Variants in LRRC4C observed in about 807,000 individuals in gnomAD.
LRRC4C encodes the protein leucine rich repeat containing 4C.
Under a neutral mutation model 33.6 loss-of-function variants are expected in LRRC4C, and 5 were observed. The observed-to-expected ratio is 0.15, with a 90% confidence interval of 0.08 to 0.31. The LOEUF is 0.31. LRRC4C is among the 10% of genes least tolerant of loss of function. The pLI is 1.00. For missense variants in LRRC4C, 560 were observed against 796.7 expected (o/e 0.70, Z 3.58); for synonymous variants, 329 against 302.0 (o/e 1.09, Z -0.93).
chr11:41,062,888 A>G (rs995718183), intron 1 of LRRC4C, among the ~76,000 whole-genome samples: 5 of 152,170 alleles, frequency 3.3e-5, no homozygotes, highest in Non-Finnish European at 2.9e-5. Context: ...TCATGCTGCC[A>G]GAAACTATGG....
At chr11:41,176,838 A>G (rs546901565) in intron 1 of LRRC4C, among the ~76,000 whole-genome samples, 55 of 152,072 alleles carry the variant, frequency 3.6e-4, no homozygotes, top group Middle Eastern at 3.4e-3. Context: ...GGCAGTGTGC[A>G]CCTGTAGTCC....
intron 2 of LRRC4C, among the ~76,000 whole-genome samples, chr11:40,780,769 A>C (rs186489446): frequency 6.7e-6 from 1 of 149,684 alleles, no homozygotes; most frequent in African/African-American, 2.5e-5. Flanking sequence ...GAGCTAGCAA[A>C]TTGAAAACTG....
At chr11:40,963,534 G>A (rs1017077603) in intron 1 of LRRC4C, among the ~76,000 whole-genome samples, 2 of 151,744 alleles carry the variant, frequency 1.3e-5, no homozygotes, top group East Asian at 1.9e-4. Context: ...TCCCCTGACT[G>A]CCTTACAATA....
chr11:40,303,921 C>T (rs1348694798), intron 4 of LRRC4C, among the ~76,000 whole-genome samples: 1 of 152,164 alleles, frequency 6.6e-6, no homozygotes, highest in African/African-American at 2.4e-5. Flanking sequence ...CTTTCATAAA[C>T]CAATTGTCTT....
chr11:40,862,426 T>G (rs1377967140), intron 2 of LRRC4C, among the ~76,000 whole-genome samples: 1 of 152,230 alleles, frequency 6.6e-6, no homozygotes, highest in Non-Finnish European at 1.5e-5. Context: ...GTTCAGAATA[T>G]TTTAAAGAAA....
At chr11:40,852,589 A>G (rs1953563936) in intron 2 of LRRC4C, among the ~76,000 whole-genome samples, 1 of 152,176 alleles carries the variant, frequency 6.6e-6, no homozygotes, top group African/African-American at 2.4e-5. Context: ...TTTAACATTT[A>G]TATCTGATCT....
At chr11:40,461,009 G>A (rs1952369989) in intron 3 of LRRC4C, among the ~76,000 whole-genome samples, 2 of 152,118 alleles carry the variant, frequency 1.3e-5, no homozygotes, top group Non-Finnish European at 2.9e-5. Flanking sequence ...CCTATGGTAG[G>A]TACAGCTTTC....
At chr11:41,316,714 A>G (rs1266981645) in intron 1 of LRRC4C, among the ~76,000 whole-genome samples, 1 of 152,210 alleles carries the variant, frequency 6.6e-6, no homozygotes, top group East Asian at 1.9e-4. Context: ...ATGCATTGTA[A>G]TAAAGAAAAG....
At chr11:40,552,579 A>G (rs1179463505) in intron 3 of LRRC4C, among the ~76,000 whole-genome samples, 1 of 152,196 alleles carries the variant, frequency 6.6e-6, no homozygotes, top group African/African-American at 2.4e-5. Flanking sequence ...GAGGGCTTAG[A>G]GGAAACAAAC....
intron 1 of LRRC4C, among the ~76,000 whole-genome samples, chr11:41,227,824 A>G (rs979369960): frequency 2.6e-5 from 4 of 151,974 alleles, no homozygotes; most frequent in African/African-American, 9.7e-5. Flanking sequence ...AAGTTTTTCT[A>G]CTATTGGATT....
At chr11:40,837,602 G>A (rs950645695) in intron 2 of LRRC4C, among the ~76,000 whole-genome samples, 1 of 150,946 alleles carries the variant, frequency 6.6e-6, no homozygotes, top group Non-Finnish European at 1.5e-5. Flanking sequence ...CACTTTGAGA[G>A]GCCTAGGCAG....
intron 6 of LRRC4C, among the ~76,000 whole-genome samples, chr11:40,125,041 G>A (rs570488864): frequency 5.9e-5 from 9 of 151,922 alleles, no homozygotes; most frequent in African/African-American, 1.9e-4. Context: ...AGCTCACAGG[G>A]CACACACAAA....
intron 1 of LRRC4C, among the ~76,000 whole-genome samples, chr11:41,238,558 A>G (rs2136524376): frequency 6.6e-6 from 1 of 152,290 alleles, no homozygotes; most frequent in African/African-American, 2.4e-5. Context: ...TTGAGCTGCA[A>G]AAGGGACTCA....
intron 4 of LRRC4C, among the ~76,000 whole-genome samples, chr11:40,281,973 G>C (rs960560653): frequency 6.6e-6 from 1 of 152,130 alleles, no homozygotes; most frequent in East Asian, 1.9e-4. Flanking sequence ...AAATTGATGA[G>C]CTAAAGCAAA....
At chr11:41,053,109 C>T (rs939130698) in intron 1 of LRRC4C, among the ~76,000 whole-genome samples, 1 of 152,202 alleles carries the variant, frequency 6.6e-6, no homozygotes, top group Non-Finnish European at 1.5e-5. Context: ...TGTCAGATGA[C>T]TCCCAATGAT....
chr11:40,553,308 A>G (rs1957201312), intron 3 of LRRC4C, among the ~76,000 whole-genome samples: 1 of 152,002 alleles, frequency 6.6e-6, no homozygotes, highest in Non-Finnish European at 1.5e-5. Flanking sequence ...AGTGGATCAG[A>G]AGCAACAAAG....
rs563794271 is a variant in LRRC4C at position 41,300,915 on chromosome 11, G to A, written c.-496+158516C>T. 2.6e-5 allele frequency among the ~76,000 whole-genome samples: 4 copies of A among 152,270 alleles called. 1 individual carries two copies. The highest frequency in any genetic ancestry group is 9.6e-5 in the African/African-American group (4 of 41,546). ...AATCTATAATTATTTTTATGGTAGA[G>A]GCAGAGAGAGGCCTGGGAGGAAGAG... On this transcript the variant is annotated intron_variant, in intron 1 of 6. Coordinates refer to ENST00000528697, the MANE Select transcript of LRRC4C (RefSeq NM_001258419.2).
At chr11:41,136,504 G>A (rs1419302407) in intron 1 of LRRC4C, among the ~76,000 whole-genome samples, 1 of 152,172 alleles carries the variant, frequency 6.6e-6, no homozygotes. Flanking sequence ...TGTATCCTAA[G>A]ACAAAGAGAT....
At chr11:40,330,737 C>T (rs1219632152) in intron 3 of LRRC4C, among the ~76,000 whole-genome samples, 3 of 152,086 alleles carry the variant, frequency 2.0e-5, no homozygotes, top group African/African-American at 7.2e-5. Context: ...ATGGAAATAA[C>T]CAACCCCATG....
Sources: allele counts gnomAD v4.1 joint callset (sites outside exome capture counted in the v4.1 genomes callset), GRCh38; gene constraint gnomAD v4.1.1; transcripts MANE v1.5; gene names NCBI Gene and HGNC (gene_info 2026-07-23, HGNC 2026-07-21).